Variants in HECA observed in about 807,000 individuals in gnomAD.
The protein encoded by HECA is HECA ribonucleoprotein granule regulator, also known as headcase protein homolog.
Under a neutral mutation model 37.6 loss-of-function variants are expected in HECA, and 13 were observed. The observed-to-expected ratio is 0.35, with a 90% CI of 0.23 to 0.55. The LOEUF is 0.55. Ranked by LOEUF, HECA falls within the 20% of genes least tolerant of loss-of-function variation. HECA has a pLI of 0.90. For synonymous variants in HECA, 307 were observed against 291.5 expected (o/e 1.05, Z -0.54); for missense variants, 527 against 701.9 (o/e 0.75, Z 2.82).
intron 1 of HECA, among the ~76,000 whole-genome samples, chr6:139,156,893 T>G (rs1774724743): frequency 6.6e-6 from 1 of 152,194 alleles, no homozygotes; most frequent in Non-Finnish European, 1.5e-5. Flanking sequence ...AAATACATAT[T>G]GTTACAGGAG....
chr6:139,175,972 G>A (rs968609602), intron 3 of HECA, among the ~76,000 whole-genome samples: 2 of 152,160 alleles, frequency 1.3e-5, no homozygotes, highest in Admixed American at 6.5e-5. Context: ...AGTGTTAGAC[G>A]CTACTAATGA....
rs990452240 is a variant in HECA, at chr6:139,167,343, C to T, written c.1312+19C>T. On this transcript the variant is annotated intron_variant, in intron 2 of 3. Coordinates refer to ENST00000367658, the MANE Select transcript of HECA (RefSeq NM_016217.3). ...CTTCAAGGTATAGGTGTTAATTCAC[C>T]TTGCCTGCTTTCTGTTTGTTAAAAA... is the stretch of plus-strand genomic sequence containing the variant. The T allele has an allele frequency of 1.3e-6, 2 of 1,514,592 alleles. No homozygotes were observed. Among genetic ancestry groups the T allele is most frequent in the African/African-American group, 1.4e-5 (1 of 72,402 alleles). The allele number at this position is 1,514,592 out of a possible 1,614,324, so 93.8% of individuals were successfully genotyped here. A position where few individuals can be genotyped will look rare whatever the true frequency, so the allele number is the denominator to read the frequency against.
In HECA at chr6:139,178,136, T is replaced by C. The variant is rs922243939; in HGVS notation, c.*1031T>C. ...TGATGAAGAAAATAATTTTACTATT[T>C]CTTTTAAAAGTATGTTTTGGAAAAT... On this transcript the variant is annotated 3_prime_UTR_variant, in exon 4 of 4. Transcript: ENST00000367658. 41 of 152,220 alleles carry C rather than the reference T, an allele frequency of 2.7e-4. No individual in the cohort carries two copies. The highest frequency in any genetic ancestry group is 6.3e-3 in the Middle Eastern group (2 of 316). 9.4% of individuals were successfully genotyped at this position (152,220 alleles called of 1,614,324 possible). A position where few individuals can be genotyped will look rare whatever the true frequency, so the allele number is the denominator to read the frequency against.
chr6:139,171,473 G>A (rs994074846), intron 2 of HECA, among the ~76,000 whole-genome samples: 1 of 152,200 alleles, frequency 6.6e-6, no homozygotes, highest in Non-Finnish European at 1.5e-5. Flanking sequence ...TACCAGAGAA[G>A]TTATCATTGC....
Position 139,166,405 on chromosome 6 carries a change from G to T in HECA, c.393G>T (p.Leu131=). The change falls in exon 2 of 4, where the codon CTG becomes CTT. Residue 131 remains leucine (L), a synonymous_variant. Transcript: ENST00000367658. ...EHCPCSTWMH[L]QCFYEWESSI... The stretch of plus-strand genomic sequence containing the variant: ...GCCCCTGCAGCACCTGGATGCACCT[G>T]CAGTGCTTCTACGAGTGGGAGAGCA... 6.2e-7 allele frequency: 1 copy of T among 1,614,228 alleles called. No homozygotes were observed. Among genetic ancestry groups the T allele is most frequent in the Non-Finnish European group, 8.5e-7 (1 of 1,180,046 alleles).
intron 1 of HECA, among the ~76,000 whole-genome samples, chr6:139,148,613 A>G (rs575904521): frequency 6.6e-6 from 1 of 152,174 alleles, no homozygotes; most frequent in Non-Finnish European, 1.5e-5. Context: ...TAAAAATGCT[A>G]ACATTAGCTG....
chr6:139,156,114 TG>T (rs1774708760), intron 1 of HECA, among the ~76,000 whole-genome samples: 2 of 151,004 alleles, frequency 1.3e-5, no homozygotes, highest in Non-Finnish European at 2.9e-5. Context: ...GAACTCTTCT[TG>T]TTGCTAGAAC....
chr6:139,156,343 C>T lies in HECA; in HGVS notation c.272-9941C>T, dbSNP rs562173386. 5.5e-4 allele frequency among the ~76,000 whole-genome samples: 83 copies of T among 152,286 alleles called. 1 individual carries two copies. The South Asian group carries it at 0.017, about 30-fold the overall frequency. ...TCGGCCTCCTGAGTAGCTGGGACTA[C>T]AGGCACGTGCCACAACACCAGGCTA... On this transcript the variant is annotated intron_variant, in intron 1 of 3. Coordinates refer to ENST00000367658, the MANE Select transcript of HECA (RefSeq NM_016217.3).
At chr6:139,137,338 CCTCCTAGTGTTATTGAGAGG>C (rs1449363404) in intron 1 of HECA, among the ~76,000 whole-genome samples, 3 of 152,042 alleles carry the variant, frequency 2.0e-5, no homozygotes, top group African/African-American at 7.2e-5. Flanking sequence ...ACCCTGGCTC[CCTCCTAGTGTTATTGAGAGG>C]CTCAGAGTGC....
rs566069770 is a variant in HECA at position 139,170,166 on chromosome 6, A to G, written c.1312+2842A>G. ...TTATTTCTCCATTGTAAAACTTGAA[A>G]CATTTTTTATGAAGATGAATATGGG... On this transcript the variant is annotated intron_variant, in intron 2 of 3. Transcript: ENST00000367658. 3 of 152,274 alleles carry G rather than the reference A, an allele frequency of 2.0e-5. 1 individual carries two copies. In the South Asian group the frequency reaches 6.2e-4, roughly 32 times the overall value. The allele number at this position is 152,274 out of a possible 1,614,324, so 9.4% of individuals were successfully genotyped here. A position where few individuals can be genotyped will look rare whatever the true frequency, so the allele number is the denominator to read the frequency against.
At chr6:139,163,396 T>C (rs544903092) in intron 1 of HECA, among the ~76,000 whole-genome samples, 1 of 148,628 alleles carries the variant, frequency 6.7e-6, no homozygotes, top group Admixed American at 7.0e-5. Flanking sequence ...ACTGTGCCAC[T>C]CAGGCTGGTG....
Position 139,179,819 on chromosome 6 carries a change from T to A in HECA, c.*2714T>A, listed in dbSNP as rs1159754434. 6.6e-6 allele frequency: 1 copy of A among 152,194 alleles called. No homozygotes were observed. Among genetic ancestry groups the A allele is most frequent in the African/African-American group, 2.4e-5 (1 of 41,448 alleles). The allele number at this position is 152,194 out of a possible 1,614,324, so 9.4% of individuals were successfully genotyped here. A position where few individuals can be genotyped will look rare whatever the true frequency, so the allele number is the denominator to read the frequency against. On this transcript the variant is annotated 3_prime_UTR_variant, in exon 4 of 4. Coordinates refer to ENST00000367658, the MANE Select transcript of HECA (RefSeq NM_016217.3). Reference sequence around the variant, plus strand: ...AAAAGGATATTAGTTACCCAAGAGATCCAATTTGTTTTTCTGATGAATAGT... The same window carrying A: ...AAAAGGATATTAGTTACCCAAGAGAACCAATTTGTTTTTCTGATGAATAGT...
Position 139,180,339 on chromosome 6 carries a change from T to C in HECA, c.*3234T>C. ...GAACTAATTTGCTAAGTCTTTTGTT[T>C]AGTCCTGCAAGACTGATGCTTAATA... On this transcript the variant is annotated 3_prime_UTR_variant, in exon 4 of 4. Transcript: ENST00000367658. 1 of 152,666 alleles carries C rather than the reference T, an allele frequency of 6.6e-6. No homozygotes were observed. Among genetic ancestry groups the C allele is most frequent in the East Asian group, 1.9e-4 (1 of 5,198 alleles). The allele number at this position is 152,666 out of a possible 1,614,324, so 9.5% of individuals were successfully genotyped here.
intron 1 of HECA, among the ~76,000 whole-genome samples, chr6:139,137,615 A>AC (rs1774464778): frequency 8.7e-6 from 1 of 114,728 alleles, no homozygotes; most frequent in African/African-American, 3.4e-5. Context: ...TGCTCTGCCC[A>AC]CCCCCCTACC....
chr6:139,163,144 T>C (rs1377165455), intron 1 of HECA, among the ~76,000 whole-genome samples: 1 of 152,054 alleles, frequency 6.6e-6, no homozygotes, highest in Non-Finnish European at 1.5e-5. Flanking sequence ...TAACTCGGGG[T>C]GATTTTACCC....
intron 1 of HECA, among the ~76,000 whole-genome samples, chr6:139,138,852 T>A (rs987022984): frequency 7.9e-5 from 12 of 152,242 alleles, no homozygotes; most frequent in African/African-American, 2.9e-4. Context: ...CCACCCCATC[T>A]TTTTCCTACA....
chr6:139,146,289 A>G (rs1279405610), intron 1 of HECA, among the ~76,000 whole-genome samples: 1 of 152,172 alleles, frequency 6.6e-6, no homozygotes, highest in Non-Finnish European at 1.5e-5. Context: ...GAAAATGTAT[A>G]TTTTTCTCTA....
intron 1 of HECA, among the ~76,000 whole-genome samples, chr6:139,145,639 A>T (rs750009234): frequency 2.4e-4 from 36 of 152,230 alleles, no homozygotes; most frequent in Non-Finnish European, 4.1e-4. Context: ...CAAGAGACAG[A>T]TTGCAAGATA....
At chr6:139,144,981 G>C (rs909970136) in intron 1 of HECA, among the ~76,000 whole-genome samples, 15 of 152,226 alleles carry the variant, frequency 9.9e-5, no homozygotes, top group African/African-American at 3.6e-4. Context: ...ATTTGAGCAA[G>C]TAAGATTTTC....
Sources: gnomAD v4.1 joint callset for allele counts (sites outside exome capture counted in the v4.1 genomes callset) on GRCh38, gnomAD v4.1.1 for gene constraint, MANE v1.5 for transcripts, NCBI Gene and HGNC (gene_info 2026-07-23, HGNC 2026-07-21) for gene names.